The following PARVB variants were observed in gnomAD, a reference collection of about 807,000 sequenced individuals.
PARVB encodes the protein parvin beta, also known as beta-parvin.
Under a neutral mutation model 47.0 loss-of-function variants are expected in PARVB, and 46 were observed. That is an observed-to-expected ratio of 0.98 (90% CI 0.77 to 1.25). PARVB has a LOEUF of 1.25. Among genes scored for constraint, PARVB ranks in the 50% most tolerant of loss-of-function variants. The pLI, the probability that PARVB is intolerant of heterozygous loss-of-function variation, is 0.00. For missense variants in PARVB, 473 were observed against 471.6 expected, an observed-to-expected ratio of 1.00 and a Z score of -0.03; for synonymous variants, 196 against 196.3, an observed-to-expected ratio of 1.00 and a Z score of 0.01.
Position 44,130,130 on chromosome 22 carries a change from G to A in PARVB, c.377-1357G>A, listed in dbSNP as rs553032539. Among the ~76,000 whole-genome samples the A allele has an allele frequency of 1.3e-3, 200 of 152,344 alleles. 1 individual carries two copies. The highest frequency in any genetic ancestry group is 2.3e-3 in the South Asian group (11 of 4,830). On this transcript the variant is annotated intron_variant, in intron 4 of 12. Coordinates refer to ENST00000338758, the MANE Select transcript of PARVB (RefSeq NM_013327.5). ...CACTTGCAAAACAGAAACCCCATTT[G>A]TGACTGGCCTGGACTTGATTGCTTT...
At chr22:44,097,558 G>A (rs1332296058) in intron 2 of PARVB, among the ~76,000 whole-genome samples, 7 of 152,318 alleles carry the variant, frequency 4.6e-5, no homozygotes, top group Admixed American at 1.3e-4. Context: ...TGGAGCAAGC[G>A]CCTGCTCTGA....
chr22:44,094,299 T>G (rs562611553), intron 2 of PARVB, among the ~76,000 whole-genome samples: 1 of 152,268 alleles, frequency 6.6e-6, no homozygotes, highest in South Asian at 2.1e-4. Flanking sequence ...AAAGATAGTT[T>G]GTTAAACTCA....
At chr22:43,999,353 T>A in exon 1 of PARVB, 1 of 1,609,038 alleles carries the variant, frequency 6.2e-7, no homozygotes, top group Non-Finnish European at 8.5e-7. Context: ...GCACCATGTG[T>A]TTAAAGATCA....
chr22:44,079,785 G>A (rs551879526), intron 1 of PARVB, among the ~76,000 whole-genome samples: 41 of 152,262 alleles, frequency 2.7e-4, no homozygotes, highest in South Asian at 8.3e-4. Context: ...AAAATTAGCC[G>A]GGCATGGTGG....
At chr22:44,084,752 A>G (rs2051986207) in intron 1 of PARVB, among the ~76,000 whole-genome samples, 1 of 152,178 alleles carries the variant, frequency 6.6e-6, no homozygotes, top group Non-Finnish European at 1.5e-5. Context: ...CGAGGCAGCC[A>G]GTGCTGCCGG....
intron 1 of PARVB, 116 bp downstream of exon 1, chr22:44,024,567 C>G (rs1300589145): frequency 5.4e-6 from 2 of 371,142 alleles, no homozygotes; most frequent in Non-Finnish European, 7.9e-6. Flanking sequence ...GCCCGGCCCA[C>G]GCGGCTGCGC....
At chr22:44,101,180 C>T (rs978416797) in intron 3 of PARVB, among the ~76,000 whole-genome samples, 16 of 151,836 alleles carry the variant, frequency 1.1e-4, no homozygotes, top group African/African-American at 2.7e-4. Flanking sequence ...GAGGCCGAGG[C>T]GGGCGGATCA....
rs187785909 is a variant in PARVB, at chr22:44,089,862, C to T, written c.113-4066C>T. ...CTCCACTGCACTCTGCAAAGAGCCC[C>T]GAAGGCCCTTTCCTTAGCCTGGCCA... On this transcript the variant is annotated intron_variant, in intron 1 of 12. Coordinates refer to ENST00000338758, the MANE Select transcript of PARVB (RefSeq NM_013327.5). The surrounding 1 kb of genome is among the most constrained non-coding windows in gnomAD (Gnocchi z 4.0). Among the ~76,000 whole-genome samples the T allele has an allele frequency of 1.3e-5, 2 of 152,296 alleles. No individual in the cohort carries two copies. Among genetic ancestry groups the T allele is most frequent in the African/African-American group, 4.8e-5 (2 of 41,568 alleles).
intron 2 of PARVB, among the ~76,000 whole-genome samples, chr22:44,001,598 A>G (rs779881757): frequency 2.0e-5 from 3 of 152,252 alleles, no homozygotes; most frequent in Admixed American, 2.0e-4. Flanking sequence ...AAGTCAGTAC[A>G]TCGGAAGTGG....
chr22:44,005,222 C>T (rs1204174947), intron 2 of PARVB, among the ~76,000 whole-genome samples: 3 of 151,422 alleles, frequency 2.0e-5, no homozygotes, highest in African/African-American at 7.3e-5. Context: ...GCTTCAGCCT[C>T]CCAAGTAACT....
upstream of PARVB, among the ~76,000 whole-genome samples, chr22:44,023,635 A>G (rs1197376924): frequency 6.6e-6 from 1 of 152,196 alleles, no homozygotes; most frequent in African/African-American, 2.4e-5. Flanking sequence ...CCTCGGGATG[A>G]AGCCGTTTCC....
At chr22:44,085,647 G>A (rs2052007467) in intron 1 of PARVB, among the ~76,000 whole-genome samples, 1 of 152,208 alleles carries the variant, frequency 6.6e-6, no homozygotes, top group Non-Finnish European at 1.5e-5. Flanking sequence ...ACCATGCTAT[G>A]TATTGCACTT....
chr22:44,158,697 G>A (rs139071), intron 11 of PARVB, among the ~76,000 whole-genome samples: 2 of 152,050 alleles, frequency 1.3e-5, no homozygotes, highest in African/African-American at 2.4e-5. Context: ...CACTGCCCTC[G>A]TGCGTGGGCC....
intron 7 of PARVB, among the ~76,000 whole-genome samples, chr22:44,137,929 T>A (rs1355767805): frequency 6.6e-6 from 1 of 152,180 alleles, no homozygotes; most frequent in Non-Finnish European, 1.5e-5. Context: ...GAATGGCCTG[T>A]GCACATTGTT....
chr22:44,016,352 T>C (rs900616291), intron 2 of PARVB, among the ~76,000 whole-genome samples: 6 of 152,156 alleles, frequency 3.9e-5, no homozygotes, highest in Admixed American at 3.3e-4. Context: ...CGCCTCAGCC[T>C]CCCAAAGTGC....
At chr22:44,095,465 C>G (rs1323975193) in intron 2 of PARVB, among the ~76,000 whole-genome samples, 1 of 151,620 alleles carries the variant, frequency 6.6e-6, no homozygotes, top group Non-Finnish European at 1.5e-5. Flanking sequence ...GATCGCACCA[C>G]TGCACTCCAA....
At position 44,131,522 on chromosome 22, in the gene PARVB, G is replaced by T. The variant is rs2053318616; in HGVS notation, c.412G>T (p.Val138Leu). 1.9e-6 allele frequency: 3 copies of T among 1,614,124 alleles called. No homozygotes were observed. Among genetic ancestry groups the T allele is most frequent in the Non-Finnish European group, 2.5e-6 (3 of 1,180,032 alleles). ...LAGCKLNVAE[V>L]TQSEIGQKQK... The stretch of plus-strand genomic sequence containing the variant: ...AGGGTGCAAGCTGAATGTGGCTGAG[G>T]TGACACAGTCCGAAATAGGGCAGAA... The change falls in exon 5 of 13, where the codon GTG becomes TTG. Residue 138 changes from valine (V) to leucine (L), a missense_variant. By Grantham distance (32) the Val-to-Leu change is conservative (BLOSUM62 1). Transcript: ENST00000338758.
In PARVB at chr22:44,075,018, C is replaced by T. The variant is rs187900460; in HGVS notation, c.113-18910C>T. Among the ~76,000 whole-genome samples, 46 of 152,268 alleles carry T rather than the reference C, an allele frequency of 3.0e-4. No individual in the cohort carries two copies. In the East Asian group the frequency reaches 6.6e-3, roughly 22 times the overall value. ...CTCCTGAGCATTGCGGGGTGTTGAG[C>T]GGCATCCCTGGCCTCTACACACGAG... On this transcript the variant is annotated intron_variant, in intron 1 of 12. Coordinates refer to ENST00000338758, the MANE Select transcript of PARVB (RefSeq NM_013327.5).
intron 8 of PARVB, chr22:44,142,253 C>G (rs2053566659): frequency 1.3e-5 from 2 of 152,026 alleles, no homozygotes; most frequent in South Asian, 2.1e-4. Flanking sequence ...TGGCGGGCAC[C>G]TGTAGTCCCA....
Sources: allele counts gnomAD v4.1 joint callset (sites outside exome capture counted in the v4.1 genomes callset), GRCh38; gene constraint gnomAD v4.1.1; non-coding constraint Gnocchi (gnomAD v3.1); transcripts MANE v1.5; gene names NCBI Gene and HGNC (gene_info 2026-07-23, HGNC 2026-07-21).